CACNA1E: variants seen among roughly 807,000 people sequenced by gnomAD.
CACNA1E encodes the protein calcium voltage-gated channel subunit alpha1 E.
In CACNA1E, 40 loss-of-function variants were observed where a neutral mutation model predicts 259.2. The ratio of observed to expected loss-of-function variants is 0.15; its 90% CI spans 0.12 to 0.20. CACNA1E has a LOEUF of 0.20. Among genes scored for constraint, CACNA1E ranks in the 10% least tolerant of loss-of-function variants. CACNA1E has a pLI of 1.00. For synonymous variants in CACNA1E, 1,104 were observed against 1,138.5 expected, an observed-to-expected ratio of 0.97 and a Z score of 0.61; for missense variants, 1,874 against 3,040.1, an observed-to-expected ratio of 0.62 and a Z score of 9.02.
chr1:181,652,553 A>T (rs1042922436), intron 7 of CACNA1E, among the ~76,000 whole-genome samples: 6 of 152,206 alleles, frequency 3.9e-5, no homozygotes, highest in African/African-American at 1.4e-4. Flanking sequence ...GCTGAAGTTT[A>T]ATTGTTTAGG....
chr1:181,706,774 C>CATTAGTTTG (rs1368375574), intron 7 of CACNA1E, among the ~76,000 whole-genome samples: 3 of 152,198 alleles, frequency 2.0e-5, no homozygotes, highest in African/African-American at 7.2e-5. Context: ...TGGAAGAAGA[C>CATTAGTTTG]ATTAGTTTGA....
rs377180948 is a variant in CACNA1E at position 181,798,381 on chromosome 1, G to A, written c.6489G>A (p.Pro2163=). The part of the protein sequence containing the change: ...RRSRRQLPPV[P]PKPRPLLSYS... ...GTCGTCGGCAGCTCCCACCCGTCCC[G>A]CCAAAGCCCCGGCCCCTCCTTTCCT... Residue 2163 remains proline (P), a synonymous_variant, in exon 48 of 48, where the codon CCG becomes CCA. Coordinates refer to ENST00000367573, the MANE Select transcript of CACNA1E (RefSeq NM_001205293.3). This position sits in a 1 kb window ranked among gnomAD's most constrained non-coding sequence, Gnocchi z 4.2. The A allele has an allele frequency of 6.2e-6, 10 of 1,612,758 alleles. No homozygotes were observed. Among genetic ancestry groups the A allele is most frequent in the African/African-American group, 5.3e-5 (4 of 74,974 alleles).
chr1:181,480,165 G>A (rs74869573), upstream of CACNA1E, among the ~76,000 whole-genome samples: 9,972 of 152,092 alleles, frequency 0.066, 442 homozygotes, highest in South Asian at 0.098. Flanking sequence ...TGGTAGAATG[G>A]GGGATTAGAG....
chr1:181,512,855 T>C (rs557642552), intron 3 of CACNA1E, among the ~76,000 whole-genome samples: 1 of 152,352 alleles, frequency 6.6e-6, no homozygotes, highest in South Asian at 2.1e-4. Flanking sequence ...TAAATATGAA[T>C]TAGTATATGA....
chr1:181,484,426 C>G (rs1179090656), intron 1 of CACNA1E, among the ~76,000 whole-genome samples: 6 of 152,190 alleles, frequency 3.9e-5, no homozygotes, highest in African/African-American at 1.2e-4. Flanking sequence ...TCCCCACCAA[C>G]CAGGAGACAC....
intron 6 of CACNA1E, among the ~76,000 whole-genome samples, chr1:181,636,843 C>T (rs947574637): frequency 4.6e-5 from 7 of 152,184 alleles, no homozygotes; most frequent in African/African-American, 1.7e-4. Flanking sequence ...TCTAGAGAAC[C>T]AGGGTCACTT....
chr1:181,707,995 G>A (rs1233034095), intron 7 of CACNA1E, among the ~76,000 whole-genome samples: 1 of 152,190 alleles, frequency 6.6e-6, no homozygotes, highest in African/African-American at 2.4e-5. Flanking sequence ...GTGCAGTGAT[G>A]GTGGGACCCA....
At chr1:181,726,226 A>C in intron 18 of CACNA1E, 64 bp downstream of exon 18, 1 of 1,157,248 alleles carries the variant, frequency 8.6e-7, no homozygotes, top group Non-Finnish European at 1.3e-6. Flanking sequence ...TCATCAACTC[A>C]CAGAACTATT....
At chr1:181,628,682 C>T (rs919242057) in intron 6 of CACNA1E, among the ~76,000 whole-genome samples, 2 of 152,180 alleles carry the variant, frequency 1.3e-5, no homozygotes, top group Non-Finnish European at 2.9e-5. Flanking sequence ...AGAAAGACAG[C>T]CCTGCAACCC....
chr1:181,759,395 C>CTGTGTGTGTGTGTGTGTGTGTGTGTGTG (rs10677275), intron 32 of CACNA1E, among the ~76,000 whole-genome samples: 1 of 146,886 alleles, frequency 6.8e-6, no homozygotes, highest in African/African-American at 2.5e-5. Context: ...AGGGGTGTGT[C>CTGTGTGTGTGTGTGTGTGTGTGTGTGTG]TGTGTGTGTG....
At chr1:181,619,779 G>GGGGAGGGTC (rs1244849607) in intron 6 of CACNA1E, among the ~76,000 whole-genome samples, 9 of 152,156 alleles carry the variant, frequency 5.9e-5, no homozygotes, top group African/African-American at 1.9e-4. Context: ...CGAGACAAAG[G>GGGGAGGGTC]GGGAGGGTCA....
intron 1 of CACNA1E, among the ~76,000 whole-genome samples, chr1:181,375,071 A>T (rs1321688874): frequency 1.3e-5 from 2 of 152,208 alleles, no homozygotes. Context: ...CTTCTCAGTT[A>T]TGAAGTGGGC....
chr1:181,423,359 T>G (rs1390072260), intron 2 of CACNA1E, among the ~76,000 whole-genome samples: 3 of 152,188 alleles, frequency 2.0e-5, no homozygotes, highest in Non-Finnish European at 4.4e-5. Context: ...ATTATTCATC[T>G]GGTCTAGCTG....
intron 37 of CACNA1E, among the ~76,000 whole-genome samples, chr1:181,772,633 A>C (rs1659620467): frequency 6.6e-6 from 1 of 152,230 alleles, no homozygotes; most frequent in South Asian, 2.1e-4. Flanking sequence ...GTCTATGGAT[A>C]TCTTCGCTTT....
At position 181,805,879 on chromosome 1, in the gene CACNA1E, C is replaced by CA; in HGVS notation, c.*7049dup. The stretch of plus-strand genomic sequence containing the variant: ...GAGGGTAGGAAGACAAGCTGTAGAA[C>CA]AAAAGCAAAGTGAGGTAGAAAGTAA... On this transcript the variant is annotated 3_prime_UTR_variant, in exon 48 of 48. Coordinates refer to ENST00000367573, the MANE Select transcript of CACNA1E (RefSeq NM_001205293.3). 1 of 152,204 alleles carries CA rather than the reference C, an allele frequency of 6.6e-6. No homozygotes were observed. The highest frequency in any genetic ancestry group is 1.9e-4 in the East Asian group (1 of 5,190). The allele number at this position is 152,204 out of a possible 1,614,324, so 9.4% of individuals were successfully genotyped here. A position where few individuals can be genotyped will look rare whatever the true frequency, so the allele number is the denominator to read the frequency against.
intron 6 of CACNA1E, among the ~76,000 whole-genome samples, chr1:181,642,472 A>T (rs1657879633): frequency 6.6e-6 from 1 of 152,160 alleles, no homozygotes; most frequent in African/African-American, 2.4e-5. Flanking sequence ...TCTTTCTGGA[A>T]TAGGATGGGC....
chr1:181,583,428 C>T (rs1390129626), intron 6 of CACNA1E, among the ~76,000 whole-genome samples: 2 of 152,176 alleles, frequency 1.3e-5, no homozygotes, highest in Non-Finnish European at 2.9e-5. Flanking sequence ...GCCCTATGCA[C>T]CTTCTATTCA....
At chr1:181,472,218 G>C (rs1049185329) in intron 2 of CACNA1E, among the ~76,000 whole-genome samples, 9 of 117,364 alleles carry the variant, frequency 7.7e-5, no homozygotes, top group African/African-American at 1.6e-4. Flanking sequence ...ACCAGTGGGT[G>C]GGGGGTGGGG....
intron 25 of CACNA1E, among the ~76,000 whole-genome samples, chr1:181,743,820 A>G (rs1288250195): frequency 6.6e-6 from 1 of 152,256 alleles, no homozygotes; most frequent in Non-Finnish European, 1.5e-5. Flanking sequence ...CTAAGTAGTC[A>G]TCTCACAGCT....
Sources: allele counts gnomAD v4.1 joint callset (sites outside exome capture counted in the v4.1 genomes callset), GRCh38; gene constraint gnomAD v4.1.1; non-coding constraint Gnocchi (gnomAD v3.1); transcripts MANE v1.5; gene names NCBI Gene and HGNC (gene_info 2026-07-23, HGNC 2026-07-21).